The following SGPL1 variants were observed in gnomAD, a reference collection of about 807,000 sequenced individuals.
SGPL1 encodes the protein SP-lyase 1.
A neutral mutation model predicts 68.9 loss-of-function variants in SGPL1; 37 were observed. The ratio of observed to expected loss-of-function variants is 0.54; its 90% CI spans 0.41 to 0.71. The LOEUF is 0.71. Ranked by LOEUF, SGPL1 falls within the 30% of genes least tolerant of loss-of-function variation. The probability of loss-of-function intolerance (pLI) is 0.00; values close to 1 mark genes in which losing one functional copy is unlikely to be tolerated. For missense variants in SGPL1, 551 were observed against 704.6 expected (o/e 0.78, Z 2.47); for synonymous variants, 236 against 248.5 (o/e 0.95, Z 0.47).
At position 70,851,875 on chromosome 10, in the gene SGPL1, G is replaced by A; in HGVS notation, c.261+665G>A. Among the ~76,000 whole-genome samples the A allele has an allele frequency of 1.3e-5, 2 of 152,178 alleles. 1 individual carries two copies. Among genetic ancestry groups the A allele is most frequent in the Admixed American group, 1.3e-4 (2 of 15,280 alleles). On this transcript the variant is annotated intron_variant, in intron 4 of 14. Transcript: ENST00000373202. ...TACGAATTCAGGTAGGCCTTTGTTG[G>A]TTCCTGGCTGTAGTTTGCTGATCCC...
rs41305999 is a variant in SGPL1, at chr10:70,868,297, G to A, written c.616-48G>A. The A allele has an allele frequency of 0.062, 82,299 of 1,335,590 alleles. 2,805 individuals carry two copies. Among genetic ancestry groups the A allele is most frequent in the Non-Finnish European group, 0.068 (64,722 of 950,398 alleles). The allele number at this position is 1,335,590 out of a possible 1,614,324, so 82.7% of individuals were successfully genotyped here. On this transcript the variant is annotated intron_variant, in intron 7 of 14. Transcript: ENST00000373202. ...TGTCAAGATCAGGGCATGAAGAGCC[G>A]GGGCATTCCTGACTCCCCCAACAGA...
At chr10:70,873,766 C>G (rs929868881) in intron 12 of SGPL1, among the ~76,000 whole-genome samples, 177 bp downstream of exon 12, 1 of 152,240 alleles carries the variant, frequency 6.6e-6, no homozygotes, top group Non-Finnish European at 1.5e-5. Context: ...GGAGAAGAAG[C>G]TCCCTTTCTC....
At chr10:70,876,106 C>T (rs979051288) in intron 13 of SGPL1, among the ~76,000 whole-genome samples, 1 of 152,146 alleles carries the variant, frequency 6.6e-6, no homozygotes. Context: ...TTCCAGTAAA[C>T]CCCACTAAAT....
In SGPL1 at chr10:70,878,437, A is replaced by G. The variant is rs1036143757; in HGVS notation, c.*1102A>G. On this transcript the variant is annotated 3_prime_UTR_variant, in exon 15 of 15. Coordinates refer to ENST00000373202, the MANE Select transcript of SGPL1 (RefSeq NM_003901.4). ...CCAAATAATCTGGGAGCTTTTGGCC[A>G]TGGTGCCGCCTTCCTGAATTGGCAG... 3.9e-5 allele frequency: 6 copies of G among 152,248 alleles called. No homozygotes were observed. The highest frequency in any genetic ancestry group is 3.3e-4 in the Admixed American group (5 of 15,282). 9.4% of individuals were successfully genotyped at this position (152,248 alleles called of 1,614,324 possible). A position where few individuals can be genotyped will look rare whatever the true frequency, so the allele number is the denominator to read the frequency against.
intron 2 of SGPL1, among the ~76,000 whole-genome samples, chr10:70,839,112 G>A (rs982928765): frequency 2.0e-5 from 3 of 152,162 alleles, no homozygotes; most frequent in African/African-American, 7.2e-5. Flanking sequence ...GCTGCCTTTT[G>A]TCTAACGATT....
In SGPL1 at chr10:70,877,499, C is replaced by G; in HGVS notation, c.*164C>G. ...TCAGGATTCTTGTTCTTCCTCTTAT[C>G]TTCCTTTTGTGGTTTTTAATTTGAA... On this transcript the variant is annotated 3_prime_UTR_variant, in exon 15 of 15. Transcript: ENST00000373202. The G allele has an allele frequency of 1.8e-6, 1 of 566,966 alleles. No individual in the cohort carries two copies. Among genetic ancestry groups the G allele is most frequent in the Non-Finnish European group, 3.0e-6 (1 of 330,248 alleles). The allele number at this position is 566,966 out of a possible 1,614,324, so 35.1% of individuals were successfully genotyped here. A position where few individuals can be genotyped will look rare whatever the true frequency, so the allele number is the denominator to read the frequency against.
rs1010566487 is a variant in SGPL1, at chr10:70,817,984, A to G, written c.27+1104A>G. On this transcript the variant is annotated intron_variant, in intron 2 of 14. Transcript: ENST00000373202. ...GCGTTGCTAAATGCATGTTTACCAA[A>G]ATGACATTTTATTTTTGGGACTTTT... Among the ~76,000 whole-genome samples the G allele has an allele frequency of 3.3e-5, 5 of 152,346 alleles. No individual in the cohort carries two copies. In the South Asian group the frequency reaches 1.0e-3, roughly 32 times the overall value.
chr10:70,850,836 T>C (rs1845866989), intron 3 of SGPL1, among the ~76,000 whole-genome samples: 1 of 141,226 alleles, frequency 7.1e-6, no homozygotes, highest in Non-Finnish European at 1.5e-5. Context: ...ATAGCTTTAC[T>C]GTTGCACGTG....
At chr10:70,822,155 C>T (rs2131846977) in intron 2 of SGPL1, among the ~76,000 whole-genome samples, 1 of 152,182 alleles carries the variant, frequency 6.6e-6, no homozygotes, top group South Asian at 2.1e-4. Flanking sequence ...ATTATTTGAG[C>T]CTTGTGTCTT....
rs55860254 is a variant in SGPL1, at chr10:70,848,454, C to CTTTTTTTTT, written c.194-2669_194-2661dup. Among the ~76,000 whole-genome samples the CTTTTTTTTT allele has an allele frequency of 5.7e-5, 4 of 70,684 alleles. 1 individual carries two copies. Among genetic ancestry groups the CTTTTTTTTT allele is most frequent in the Non-Finnish European group, 9.8e-5 (4 of 40,636 alleles). The allele number at this position is 70,684 out of a possible 152,430, so 46.4% of individuals were successfully genotyped here. Reference sequence around the variant, plus strand: ...CAAACTAACGTGATTACCTCACGTACTTTTTTTTTTTTTTTTTTTTTTTTT... The same window carrying CTTTTTTTTT: ...CAAACTAACGTGATTACCTCACGTACTTTTTTTTTTTTTTTTTTTTTTTTTTTTTTTTTT... On this transcript the variant is annotated intron_variant, in intron 3 of 14. Transcript: ENST00000373202.
At chr10:70,821,342 G>A (rs935258717) in intron 2 of SGPL1, among the ~76,000 whole-genome samples, 8 of 152,142 alleles carry the variant, frequency 5.3e-5, no homozygotes, top group Non-Finnish European at 8.8e-5. Flanking sequence ...CCAAATATTT[G>A]TAGTTTTTAA....
At chr10:70,857,801 G>A in intron 6 of SGPL1, 111 bp downstream of exon 6, 1 of 610,198 alleles carries the variant, frequency 1.6e-6, no homozygotes, top group South Asian at 2.3e-5. Flanking sequence ...AAGCTTATTG[G>A]TACAATAAAA....
chr10:70,862,959 G>T (rs934858964), intron 7 of SGPL1, among the ~76,000 whole-genome samples: 1 of 152,126 alleles, frequency 6.6e-6, no homozygotes, highest in Non-Finnish European at 1.5e-5. Context: ...TCATTCTAAA[G>T]AATTCTGTTT....
chr10:70,864,522 T>G (rs1846143664), intron 7 of SGPL1, among the ~76,000 whole-genome samples: 1 of 152,250 alleles, frequency 6.6e-6, no homozygotes, highest in Non-Finnish European at 1.5e-5. Flanking sequence ...CTTTGTTTTT[T>G]TAGGTCTGTA....
intron 2 of SGPL1, among the ~76,000 whole-genome samples, chr10:70,839,748 T>C (rs954137343): frequency 3.9e-5 from 6 of 152,060 alleles, no homozygotes; most frequent in African/African-American, 1.4e-4. Flanking sequence ...TAAAAAGACA[T>C]AGTGGGAATA....
In SGPL1 at chr10:70,825,360, T is replaced by G. The variant is rs144775985; in HGVS notation, c.27+8480T>G. Among the ~76,000 whole-genome samples the G allele has an allele frequency of 4.7e-3, 716 of 152,270 alleles. 2 individuals are homozygous for G. Among genetic ancestry groups the G allele is most frequent in the Non-Finnish European group, 7.2e-3 (491 of 68,002 alleles). ...TCAGAGGGTGGAATCCGGAGGCACA[T>G]AGCCGAGCTGGAAAATGCTGGATGG... On this transcript the variant is annotated intron_variant, in intron 2 of 14. Coordinates refer to ENST00000373202, the MANE Select transcript of SGPL1 (RefSeq NM_003901.4).
chr10:70,859,530 T>A, intron 7 of SGPL1, 31 bp downstream of exon 7: 1 of 1,326,240 alleles, frequency 7.5e-7, no homozygotes, highest in South Asian at 2.4e-5. Context: ...TCCAATAGCC[T>A]TATTTTTTAG....
rs955445756 is a variant in SGPL1 at position 70,868,245 on chromosome 10, G to A, written c.616-100G>A. 9.1e-6 allele frequency: 8 copies of A among 879,058 alleles called. No homozygotes were observed. The African/African-American group carries it at 1.2e-4, about 13-fold the overall frequency. The allele number at this position is 879,058 out of a possible 1,614,324, so 54.5% of individuals were successfully genotyped here. A position where few individuals can be genotyped will look rare whatever the true frequency, so the allele number is the denominator to read the frequency against. On this transcript the variant is annotated intron_variant, in intron 7 of 14. Transcript: ENST00000373202. ...TGTCTGCCTTGCAGCATGCATCCAA[G>A]ACCTTATCTGTTTCTGTATCAAACA...
intron 2 of SGPL1, among the ~76,000 whole-genome samples, chr10:70,829,959 G>A (rs528641754): frequency 5.9e-5 from 9 of 152,220 alleles, no homozygotes; most frequent in Admixed American, 1.3e-4. Context: ...ATTATAACTC[G>A]TAAAAATATA....
Sources: allele counts gnomAD v4.1 joint callset (sites outside exome capture counted in the v4.1 genomes callset), GRCh38; gene constraint gnomAD v4.1.1; transcripts MANE v1.5; gene names NCBI Gene and HGNC (gene_info 2026-07-23, HGNC 2026-07-21).